SEMA4D: variants seen among roughly 807,000 people sequenced by gnomAD.
SEMA4D encodes the protein semaphorin 4D.
A neutral mutation model predicts 74.8 loss-of-function variants in SEMA4D; 22 were observed. The ratio of observed to expected loss-of-function variants is 0.29; its 90% CI spans 0.21 to 0.42. The LOEUF is 0.42. Among genes scored for constraint, SEMA4D ranks in the 10% least tolerant of loss-of-function variants. SEMA4D has a pLI of 1.00. For synonymous variants in SEMA4D, 445 were observed against 463.7 expected, an observed-to-expected ratio of 0.96 and a Z score of 0.52; for missense variants, 937 against 1,118.4, an observed-to-expected ratio of 0.84 and a Z score of 2.31.
At chr9:89,429,592 A>C (rs1471616925) in intron 2 of SEMA4D, among the ~76,000 whole-genome samples, 1 of 152,146 alleles carries the variant, frequency 6.6e-6, no homozygotes, top group Non-Finnish European at 1.5e-5. Flanking sequence ...TGCTCATTCA[A>C]ATCGGTTTCT....
At chr9:89,444,382 A>T (rs1011831098) in intron 2 of SEMA4D, among the ~76,000 whole-genome samples, 3 of 152,174 alleles carry the variant, frequency 2.0e-5, no homozygotes, top group African/African-American at 7.2e-5. Context: ...GTCATCACAC[A>T]CACAGCACAT....
intron 1 of SEMA4D, among the ~76,000 whole-genome samples, chr9:89,478,915 C>T (rs1346307935): frequency 6.6e-6 from 1 of 152,200 alleles, no homozygotes; most frequent in Non-Finnish European, 1.5e-5. Context: ...GGTGAGGAGC[C>T]TCAGCGGGCC....
At position 89,363,739 on chromosome 9, in the gene SEMA4D, A is replaced by G. The variant is rs1833130457; in HGVS notation, c.2092+2T>C. On this transcript the variant is annotated splice_donor_variant, in intron 17 of 18. Transcript: ENST00000339861. LOFTEE classifies it high-confidence loss of function. ...GTAACAGTGGGCATGGGAATCACTT[A>G]CCAGGTCTCATCACAGCAACCTGCA... 2 of 1,611,508 alleles carry G rather than the reference A, an allele frequency of 1.2e-6. No homozygotes were observed. Among genetic ancestry groups the G allele is most frequent in the Non-Finnish European group, 1.7e-6 (2 of 1,179,422 alleles).
downstream of SEMA4D, chr9:89,377,229 C>T (rs1025416785): frequency 2.0e-5 from 18 of 883,274 alleles, no homozygotes; most frequent in African/African-American, 1.7e-5. Context: ...GAATGTCTTC[C>T]CCAAATCAAG....
At chr9:89,370,313 G>A (rs931143844) in intron 16 of SEMA4D, among the ~76,000 whole-genome samples, 39 of 150,998 alleles carry the variant, frequency 2.6e-4, no homozygotes, top group Admixed American at 6.6e-4. Flanking sequence ...GTGTTATGTC[G>A]TGTGTGTGTG....
intron 2 of SEMA4D, 92 bp downstream of exon 2, chr9:89,455,796 T>C (rs1199621655): frequency 2.0e-5 from 3 of 152,234 alleles, no homozygotes; most frequent in Admixed American, 6.5e-5. Context: ...CGCTGCTGAC[T>C]GAGGAATGGA....
intron 2 of SEMA4D, among the ~76,000 whole-genome samples, chr9:89,413,888 G>GC (rs1845100526): frequency 6.6e-6 from 1 of 152,208 alleles, no homozygotes; most frequent in Admixed American, 6.5e-5. Flanking sequence ...ATGTATGTGC[G>GC]CATCTGTGTG....
In SEMA4D at chr9:89,429,281, G is replaced by C. The variant is rs561086825; in HGVS notation, c.-243-23582C>G. Among the ~76,000 whole-genome samples, 86 of 152,324 alleles carry C rather than the reference G, an allele frequency of 5.6e-4. 1 individual carries two copies. Among genetic ancestry groups the C allele is most frequent in the African/African-American group, 2.0e-3 (83 of 41,570 alleles). ...GGATGCCAAGAAGCCTCTAATCCTA[G>C]CTTCACCCAAAGCAGACGACATCTA... On this transcript the variant is annotated intron_variant, in intron 2 of 15. Coordinates refer to ENST00000422704, the MANE Select transcript of SEMA4D (RefSeq NM_001371194.2).
intron 1 of SEMA4D, among the ~76,000 whole-genome samples, chr9:89,488,234 C>CTTGT (rs2136244649): frequency 6.6e-6 from 1 of 152,238 alleles, no homozygotes; most frequent in East Asian, 1.9e-4. Flanking sequence ...AAGAGGCTTG[C>CTTGT]TGTTGTTGTT....
chr9:89,420,208 C>T (rs1191999394), intron 2 of SEMA4D, among the ~76,000 whole-genome samples: 3 of 152,186 alleles, frequency 2.0e-5, no homozygotes, highest in African/African-American at 7.2e-5. Context: ...TGGGAACACA[C>T]TTCCTTTCTT....
downstream of SEMA4D, among the ~76,000 whole-genome samples, chr9:89,372,290 T>C (rs1231373533): frequency 1.0e-5 from 1 of 98,018 alleles, no homozygotes; most frequent in Non-Finnish European, 2.0e-5. Flanking sequence ...GTCGGGGGTG[T>C]GTATGGGGTG....
chr9:89,455,617 T>C (rs56800572), intron 2 of SEMA4D, among the ~76,000 whole-genome samples: 40,606 of 152,054 alleles, frequency 0.27, 5,989 homozygotes, highest in African/African-American at 0.37. Flanking sequence ...ACACTCAGCA[T>C]TGCCTCGCTC....
intron 8 of SEMA4D, 59 bp downstream of exon 8, chr9:89,392,364 C>T: frequency 7.9e-7 from 1 of 1,270,356 alleles, no homozygotes; most frequent in East Asian, 2.3e-5. Context: ...GAGAGATCAA[C>T]AGGTGTGCAC....
chr9:89,396,650 G>A, intron 6 of SEMA4D, 87 bp downstream of exon 6: 1 of 1,104,954 alleles, frequency 9.1e-7, no homozygotes, highest in South Asian at 1.4e-5. Context: ...TTAGGGTGGA[G>A]ACAGCTTTAC....
chr9:89,477,862 G>C (rs1862158747), intron 1 of SEMA4D, among the ~76,000 whole-genome samples: 1 of 152,166 alleles, frequency 6.6e-6, no homozygotes, highest in African/African-American at 2.4e-5. Context: ...AAGTATTCTT[G>C]TAGAAACACT....
At chr9:89,403,660 T>C (rs1381193192) in intron 3 of SEMA4D, among the ~76,000 whole-genome samples, 1 of 152,266 alleles carries the variant, frequency 6.6e-6, no homozygotes, top group African/African-American at 2.4e-5. Context: ...AAGAATAATA[T>C]AAATGTATCA....
intron 2 of SEMA4D, among the ~76,000 whole-genome samples, chr9:89,437,974 T>G (rs1269833785): frequency 6.6e-6 from 1 of 152,212 alleles, no homozygotes; most frequent in Non-Finnish European, 1.5e-5. Context: ...CTCTGCGCCC[T>G]TCTCGCTGGA....
chr9:89,428,726 T>G (rs1848622332), intron 2 of SEMA4D, among the ~76,000 whole-genome samples: 1 of 152,230 alleles, frequency 6.6e-6, no homozygotes, highest in Admixed American at 6.5e-5. Context: ...AGGACCATGG[T>G]GCACACGGCC....
At position 89,484,708 on chromosome 9, in the gene SEMA4D, T is replaced by C. The variant is rs997773544; in HGVS notation, c.-310+13211A>G. On this transcript the variant is annotated intron_variant, in intron 1 of 15. Coordinates refer to ENST00000422704, the MANE Select transcript of SEMA4D (RefSeq NM_001371194.2). This position sits in a 1 kb window ranked among gnomAD's most constrained non-coding sequence, Gnocchi z 4.1. ...GCTGTGTGTGTGGTATGTGATGTGG[T>C]GTATGGATGTGTTGTGTGTTATGTG... 4.0e-5 allele frequency among the ~76,000 whole-genome samples: 6 copies of C among 149,642 alleles called. No homozygotes were observed. Among genetic ancestry groups the C allele is most frequent in the South Asian group, 4.2e-4 (2 of 4,728 alleles).
Sources: gnomAD v4.1 joint callset for allele counts (sites outside exome capture counted in the v4.1 genomes callset) on GRCh38, gnomAD v4.1.1 for gene constraint, Gnocchi (gnomAD v3.1) non-coding constraint, MANE v1.5 for transcripts, NCBI Gene and HGNC (gene_info 2026-07-23, HGNC 2026-07-21) for gene names.